Variants in PALD1 observed in about 807,000 individuals in gnomAD.
PALD1 encodes the protein phosphatase domain containing paladin 1.
PALD1 carries 57 observed loss-of-function variants against 96.0 expected under a neutral mutation model. The observed-to-expected ratio is 0.59, with a 90% confidence interval of 0.48 to 0.74. The LOEUF is 0.74. PALD1 is among the 30% of genes least tolerant of loss of function. The probability of loss-of-function intolerance (pLI) is 0.00; values close to 1 mark genes in which losing one functional copy is unlikely to be tolerated. For synonymous variants in PALD1, 464 were observed against 473.6 expected (o/e 0.98, Z 0.26); for missense variants, 1,063 against 1,143.7 (o/e 0.93, Z 1.02).
chr10:70,556,433 G>A (rs192363376), intron 18 of PALD1, among the ~76,000 whole-genome samples: 6 of 151,958 alleles, frequency 3.9e-5, no homozygotes, highest in South Asian at 2.1e-4. Flanking sequence ...CTCCTGCCTC[G>A]GCCTCCAGAG....
rs368428125 is a variant in PALD1 at position 70,529,908 on chromosome 10, G to T, written c.308G>T (p.Arg103Leu). The stretch of plus-strand genomic sequence containing the variant: ...TGCCAGGGCCGCTACTTCCTGGTGC[G>T]GGATGTCACTGAGAAGATGGATGTG... The part of the protein sequence containing the change: ...YLVQGRYFLV[R>L]DVTEKMDVLG... The change falls in exon 4 of 20, where the codon CGG (arginine) becomes CTG (leucine). Residue 103 changes from arginine (R) to leucine (L), a missense_variant. Arg to Leu is a moderately radical substitution (Grantham distance 102). Transcript: ENST00000263563. 22 of 1,613,718 alleles carry T rather than the reference G, an allele frequency of 1.4e-5. No individual in the cohort carries two copies. The highest frequency in any genetic ancestry group is 1.6e-4 in the Middle Eastern group (1 of 6,078).
At chr10:70,497,059 C>G (rs1267390927) in intron 1 of PALD1, among the ~76,000 whole-genome samples, 2 of 152,222 alleles carry the variant, frequency 1.3e-5, no homozygotes, top group African/African-American at 4.8e-5. Context: ...GCAGTCTTCT[C>G]TGCCTTCCTC....
rs747928865 is a variant in PALD1, at chr10:70,547,347, T to A, written c.2163T>A (p.Arg721=). The change falls in exon 18 of 20, where the codon CGT becomes CGA. Residue 721 remains arginine, a synonymous_variant. Transcript: ENST00000263563. ...TGCAGCTGCTACCCGATGGGCACCGTGTGAAGAAGGAGGTGGACGCAGCGC... is the reference window on the plus strand; with the variant it reads ...TGCAGCTGCTACCCGATGGGCACCGAGTGAAGAAGGAGGTGGACGCAGCGC... ...KVVQLLPDGH[R]VKKEVDAALD... is the part of the protein sequence containing the mutation. 3 of 1,612,918 alleles carry A rather than the reference T, an allele frequency of 1.9e-6. No individual in the cohort carries two copies. The highest frequency in any genetic ancestry group is 2.2e-5 in the South Asian group (2 of 91,056).
chr10:70,553,887 A>C (rs1486569802), intron 18 of PALD1, among the ~76,000 whole-genome samples: 1 of 152,182 alleles, frequency 6.6e-6, no homozygotes, highest in Non-Finnish European at 1.5e-5. Context: ...ACAAGAACAC[A>C]TCCCAGACAC....
chr10:70,485,750 G>C (rs1053583543), intron 1 of PALD1: 1 of 155,326 alleles, frequency 6.4e-6, no homozygotes, highest in African/African-American at 2.4e-5. Flanking sequence ...GGCACACATG[G>C]GTCCTGTCTC....
chr10:70,565,638 G>C (rs1847830493), intron 19 of PALD1, among the ~76,000 whole-genome samples: 1 of 152,168 alleles, frequency 6.6e-6, no homozygotes, highest in Non-Finnish European at 1.5e-5. Context: ...TGGGCCTTGG[G>C]ACGTCAGGTG....
At chr10:70,480,801 GTGGGGGATGC>G (rs1176368423) in intron 1 of PALD1, among the ~76,000 whole-genome samples, 1 of 152,236 alleles carries the variant, frequency 6.6e-6, no homozygotes, top group African/African-American at 2.4e-5. Context: ...CCAGGCACCT[GTGGGGGATGC>G]CCCGTGTGGG....
intron 19 of PALD1, 37 bp downstream of exon 19, chr10:70,564,556 T>A (rs1467167966): frequency 6.3e-7 from 1 of 1,598,976 alleles, no homozygotes; most frequent in Non-Finnish European, 8.5e-7. Flanking sequence ...GCCGGGGCGA[T>A]GGCTCCTGCA....
Position 70,529,899 on chromosome 10 carries a change from TC to T in PALD1, c.301del (p.Leu101TrpfsTer118). 6.2e-7 allele frequency: 1 copy of T among 1,613,634 alleles called. No homozygotes were observed. The highest frequency in any genetic ancestry group is 8.5e-7 in the Non-Finnish European group (1 of 1,179,838). On this transcript the variant is annotated frameshift_variant, in exon 4 of 20. Transcript: ENST00000263563. LOFTEE classifies it high-confidence loss of function. ...GCTCTCCCCTGCCAGGGCCGCTACT[TC>T]CTGGTGCGGGATGTCACTGAGAAGA... Reference protein sequence around the residue: ...PEHYLVQGRYFLVRDVTEKMD... With the variant: ...PEHYLVQGRYXLVRDVTEKMD...
chr10:70,534,217 G>T, intron 8 of PALD1, 144 bp downstream of exon 8: 1 of 1,045,742 alleles, frequency 9.6e-7, no homozygotes, highest in Non-Finnish European at 1.4e-6. Flanking sequence ...TTTGCCACGA[G>T]ACTTGCTGGG....
At chr10:70,551,831 C>G (rs1461914833) in intron 18 of PALD1, among the ~76,000 whole-genome samples, 1 of 152,146 alleles carries the variant, frequency 6.6e-6, no homozygotes, top group Non-Finnish European at 1.5e-5. Context: ...TTCATCTGCA[C>G]CCTGAGGTTG....
At chr10:70,495,135 G>A (rs970662388) in intron 1 of PALD1, among the ~76,000 whole-genome samples, 15 of 152,336 alleles carry the variant, frequency 9.8e-5, no homozygotes, top group African/African-American at 3.4e-4. Flanking sequence ...TGCACGGGCC[G>A]TTCCCTCTGC....
chr10:70,508,792 T>TGTGC (rs1846447912), intron 1 of PALD1, among the ~76,000 whole-genome samples: 1 of 88,992 alleles, frequency 1.1e-5, no homozygotes, highest in Non-Finnish European at 2.9e-5. Flanking sequence ...GGCGTGTGTG[T>TGTGC]GTGTGTGTGT....
the PALD1 span, among the ~76,000 whole-genome samples, chr10:70,467,810 G>A: frequency 1.3e-5 from 2 of 152,116 alleles, no homozygotes; most frequent in African/African-American, 2.4e-5. Context: ...AGTGCATGGA[G>A]GGGATTCTTG....
chr10:70,522,021 G>T (rs561284271), intron 1 of PALD1, among the ~76,000 whole-genome samples: 3 of 152,240 alleles, frequency 2.0e-5, no homozygotes, highest in East Asian at 1.9e-4. Flanking sequence ...TTGTCCTTAG[G>T]TATTATTGCA....
chr10:70,513,292 C>T (rs756067299), intron 1 of PALD1, among the ~76,000 whole-genome samples: 14 of 151,872 alleles, frequency 9.2e-5, no homozygotes, highest in African/African-American at 1.5e-4. Context: ...GTTAGGAGTT[C>T]GAGACCAGCC....
intron 1 of PALD1, among the ~76,000 whole-genome samples, chr10:70,494,365 C>T (rs886071613): frequency 6.6e-6 from 1 of 152,224 alleles, no homozygotes; most frequent in African/African-American, 2.4e-5. Context: ...GTGCCTCACA[C>T]ATAGGTGGTG....
Position 70,532,655 on chromosome 10 carries a change from A to G in PALD1, c.668A>G (p.Tyr223Cys). The change falls in exon 6 of 20, where the codon TAC becomes TGC. Residue 223 changes from tyrosine to cysteine, a missense_variant. By Grantham distance (194) the Tyr-to-Cys change is radical. Transcript: ENST00000263563. ...TTTGCCCAGCTGAGCGAGAACACAT[A>G]CCATGTGTACCATAACACCGAGGAC... ...HDFAQLSENT[Y>C]HVYHNTEDLW... The G allele has an allele frequency of 6.2e-7, 1 of 1,614,000 alleles. No homozygotes were observed. Among genetic ancestry groups the G allele is most frequent in the Non-Finnish European group, 8.5e-7 (1 of 1,179,904 alleles).
chr10:70,524,201 C>T (rs1264774325), intron 1 of PALD1, among the ~76,000 whole-genome samples: 2 of 152,078 alleles, frequency 1.3e-5, no homozygotes, highest in African/African-American at 4.8e-5. Context: ...TGCTTATTGT[C>T]CTGGTGCTTC....
Sources: gnomAD v4.1 joint callset for allele counts (sites outside exome capture counted in the v4.1 genomes callset) on GRCh38, gnomAD v4.1.1 for gene constraint, MANE v1.5 for transcripts, NCBI Gene and HGNC (gene_info 2026-07-23, HGNC 2026-07-21) for gene names.